The following MUC6 variants were observed in gnomAD, a reference collection of about 807,000 sequenced individuals.
MUC6 encodes the protein mucin-6.
MUC6 carries 188 observed loss-of-function variants against 201.5 expected under a neutral mutation model. The ratio of observed to expected loss-of-function variants is 0.93; its 90% confidence interval spans 0.83 to 1.05. The LOEUF (loss-of-function observed/expected upper bound fraction) is 1.05, where lower values mean the gene tolerates loss of function less well. Among genes scored for constraint, MUC6 ranks in the 50% least tolerant of loss-of-function variants. The pLI is 0.00. For missense variants in MUC6, 2,706 were observed against 3,256.9 expected (o/e 0.83, Z 4.12); for synonymous variants, 1,228 against 1,389.4 (o/e 0.88, Z 2.58).
Position 1,021,216 on chromosome 11 carries a change from GC to G in MUC6, c.3587del (p.Cys1196SerfsTer28). 1 of 1,585,336 alleles carries G rather than the reference GC, an allele frequency of 6.3e-7. No individual in the cohort carries two copies. Among genetic ancestry groups the G allele is most frequent in the South Asian group, 1.2e-5 (1 of 86,510 alleles). ...FDHEEGVCVP[C>X]MPPTTPQPPT... ...CTCAGGGCAGCCGACTGGACTTACT[GC>G]AGGGCACGCACACCCCCTCCTCGTG... On this transcript the variant is annotated frameshift_variant and splice_region_variant, in exon 27 of 33. Coordinates refer to ENST00000421673, the MANE Select transcript of MUC6 (RefSeq NM_005961.3). LOFTEE classifies it high-confidence loss of function.
rs754710166 is a variant in MUC6 at position 1,025,285 on chromosome 11, G to A, written c.2882C>T (p.Ala961Val). Residue 961 changes from alanine (A) to valine (V), a missense_variant, in exon 23 of 33, where the codon GCG (alanine) becomes GTG (valine). Physicochemically the swap from Ala to Val is moderately conservative, Grantham distance 64. This residue lies in a region of MUC6 where 1,850 missense variants were observed against 1,958.3 expected (regional missense o/e 0.94). Coordinates refer to ENST00000421673, the MANE Select transcript of MUC6 (RefSeq NM_005961.3). ...PHVQLGVTPG[A>V]LSLVVDISIP... Reference sequence around the variant, plus strand: ...GCTGATGTCCACGACAAGGCTCAGCGCACCCGGCGTCACCCCGAGCTGCAC... The same window carrying A: ...GCTGATGTCCACGACAAGGCTCAGCACACCCGGCGTCACCCCGAGCTGCAC... The A allele has an allele frequency of 9.9e-6, 16 of 1,612,638 alleles. 1 individual carries two copies. In the South Asian group the frequency reaches 1.3e-4, roughly 13 times the overall value.
At chr11:1,023,688 T>A (rs1321539075) in intron 25 of MUC6, 36 bp from the exon 26 acceptor site, 1 of 1,603,978 alleles carries the variant, frequency 6.2e-7, no homozygotes, top group Non-Finnish European at 8.5e-7. Flanking sequence ...GTGGGGTTCC[T>A]GGCCCTGGCC....
In MUC6 at chr11:1,018,723, T is replaced by TC. The variant is rs1301428500; in HGVS notation, c.4077dup (p.Thr1360AspfsTer37). On this transcript the variant is annotated frameshift_variant, in exon 31 of 33. Coordinates refer to ENST00000421673, the MANE Select transcript of MUC6 (RefSeq NM_005961.3). LOFTEE classifies it high-confidence loss of function. ...CTTGCTGGGGTTGGACGTGGGCCTG[T>TC]CGTCTGGGTGGCCGTTGTTCCTGGC... is the stretch of plus-strand genomic sequence containing the variant. 1 of 1,588,334 alleles carries TC rather than the reference T, an allele frequency of 6.3e-7. No individual in the cohort carries two copies. Among genetic ancestry groups the TC allele is most frequent in the African/African-American group, 1.4e-5 (1 of 73,142 alleles).
At position 1,013,958 on chromosome 11, in the gene MUC6, C is replaced by T. The variant is rs1200291203; in HGVS notation, c.7083G>A (p.Lys2361=). ...VREQQEEITF[K]GCMANVTVTR... is the part of the protein sequence containing the mutation. ...TTACCGTCACGTTCGCCATGCACCC[C>T]TTGAACGTGATCTCCTCCTGCTGCT... The change falls in exon 32 of 33, where the codon AAG becomes AAA. Residue 2361 remains lysine (K), a synonymous_variant. Transcript: ENST00000421673. The T allele has an allele frequency of 2.5e-6, 4 of 1,609,278 alleles. No individual in the cohort carries two copies. In the East Asian group the frequency reaches 8.9e-5, roughly 36 times the overall value.
chr11:1,025,693 G>A, intron 22 of MUC6, 112 bp downstream of exon 22: 1 of 1,040,016 alleles, frequency 9.6e-7, no homozygotes, highest in Non-Finnish European at 1.4e-6. Flanking sequence ...AGGCAGGCGG[G>A]GAGGGCTGCA....
At chr11:1,013,694 T>C (rs1178275048) in intron 32 of MUC6, 61 bp from the exon 33 acceptor site, 1 of 1,500,328 alleles carries the variant, frequency 6.7e-7, no homozygotes, top group Non-Finnish European at 9.0e-7. Flanking sequence ...GGCCCCTCCC[T>C]CCCCAGGGCA....
Position 1,028,626 on chromosome 11 carries a change from C to G in MUC6, c.1591+20G>C, listed in dbSNP as rs375348991. 2 of 1,603,522 alleles carry G rather than the reference C, an allele frequency of 1.2e-6. No individual in the cohort carries two copies. Among genetic ancestry groups the G allele is most frequent in the Non-Finnish European group, 8.5e-7 (1 of 1,175,722 alleles). On this transcript the variant is annotated intron_variant, in intron 13 of 32. Transcript: ENST00000421673. ...TGTAGGGATGAGGCAACAGGGCCAC[C>G]TGGAGAGGCAGGGACTCACCTCTGG...
rs538303450 is a variant in MUC6, at chr11:1,033,507, G to A, written c.53-432C>T. 3.3e-5 allele frequency among the ~76,000 whole-genome samples: 5 copies of A among 151,888 alleles called. No individual in the cohort carries two copies. Among genetic ancestry groups the A allele is most frequent in the African/African-American group, 1.2e-4 (5 of 41,408 alleles). On this transcript the variant is annotated intron_variant, in intron 1 of 32. Transcript: ENST00000421673. This position sits in a 1 kb window ranked among gnomAD's most constrained non-coding sequence, Gnocchi z 5.6. Reference sequence around the variant, plus strand: ...CGCCTGGTTTCCCTGAGGGGTCTGCGCCAAGGCCCCACAGCCGGTTCTCCC... The same window carrying A: ...CGCCTGGTTTCCCTGAGGGGTCTGCACCAAGGCCCCACAGCCGGTTCTCCC...
In MUC6 at chr11:1,027,726, C is replaced by T; in HGVS notation, c.1940G>A (p.Gly647Asp). The T allele has an allele frequency of 1.2e-6, 2 of 1,606,956 alleles. No homozygotes were observed. The highest frequency in any genetic ancestry group is 1.1e-5 in the South Asian group (1 of 89,842). Residue 647 changes from glycine (G) to aspartate (D), a missense_variant, in exon 16 of 33, where the codon GGC becomes GAC. Around this residue, in one of 10 missense-constraint regions of MUC6, gnomAD observed 1,850 missense variants for 1,958.3 expected, o/e 0.94. Transcript: ENST00000421673. ...GCTTCTCCAGCCCCAGAGCAGGACG[C>T]CCCGCAAGGAGCAGGCGTGTACGTA... ...GDYVHACSLR[G>D]VLLWGWRSSV...
intron 29 of MUC6, chr11:1,019,872 C>T: frequency 1.4e-6 from 1 of 714,658 alleles, no homozygotes; most frequent in Non-Finnish European, 2.4e-6. Flanking sequence ...TGACAGCAGC[C>T]AGCAGCAAGG....
rs774285277 is a variant in MUC6, at chr11:1,029,594, G to A, written c.1037C>T (p.Ser346Phe). ...GACGGGCACGCAGGTGTGGTTATTG[G>A]AGAGGTCATTCAGGACCGTACCTGC... The part of the protein sequence containing the change: ...CPEGTVLNDL[S>F]NNHTCVPVTQ... The change falls in exon 9 of 33, where the codon TCC (serine) becomes TTC (phenylalanine). Residue 346 changes from serine to phenylalanine, a missense_variant. Ser to Phe is a radical substitution (Grantham distance 155). Around this residue, in one of 10 missense-constraint regions of MUC6, gnomAD observed 1,850 missense variants for 1,958.3 expected, o/e 0.94. Coordinates refer to ENST00000421673, the MANE Select transcript of MUC6 (RefSeq NM_005961.3). 2 of 1,603,762 alleles carry A rather than the reference G, an allele frequency of 1.2e-6. No homozygotes were observed. The highest frequency in any genetic ancestry group is 1.7e-5 in the Admixed American group (1 of 59,202).
chr11:1,020,524 C>A (rs1856782982), intron 28 of MUC6, among the ~76,000 whole-genome samples, 160 bp downstream of exon 28: 1 of 152,178 alleles, frequency 6.6e-6, no homozygotes. Context: ...TGGCTGTGGG[C>A]TGAGCTCCTC....
In MUC6 at chr11:1,028,140, A is replaced by G. The variant is rs963869961; in HGVS notation, c.1754-81T>C. 3 of 1,534,280 alleles carry G rather than the reference A, an allele frequency of 2.0e-6. No homozygotes were observed. In the African/African-American group the frequency reaches 4.1e-5, roughly 21 times the overall value. On this transcript the variant is annotated intron_variant, in intron 14 of 32. Transcript: ENST00000421673. ...CCTCCCAGGGACCCCCCACCCTGGC[A>G]GCTGGGCCTGTGGTCCAGTCCAGGG...
chr11:1,027,763 C>T lies in MUC6; in HGVS notation c.1903G>A (p.Ala635Thr), dbSNP rs779356933. 1.9e-5 allele frequency: 31 copies of T among 1,610,400 alleles called. No individual in the cohort carries two copies. The East Asian group carries it at 3.8e-4, about 20-fold the overall frequency. ...YEETFPHICA[A>T]LGDYVHACSL... The stretch of plus-strand genomic sequence containing the variant: ...CAGGCGTGTACGTAGTCGCCCAGGG[C>T]GGCACAGATGTGGGGAAAGGTCTCC... The change falls in exon 16 of 33, where the codon GCC becomes ACC. Residue 635 changes from alanine (A) to threonine (T), a missense_variant. Ala to Thr is a moderately conservative substitution (Grantham distance 58, BLOSUM62 0). Transcript: ENST00000421673.
Position 1,033,170 on chromosome 11 carries a change from G to T in MUC6, c.53-95C>A. On this transcript the variant is annotated intron_variant, in intron 1 of 32. Coordinates refer to ENST00000421673, the MANE Select transcript of MUC6 (RefSeq NM_005961.3). This position sits in a 1 kb window ranked among gnomAD's most constrained non-coding sequence, Gnocchi z 5.6. Reference sequence around the variant, plus strand: ...TCAGGGCTGCTCCGCCCGTTTCCCTGCACACACTCGGCGTGCGAGAAGTGT... The same window carrying T: ...TCAGGGCTGCTCCGCCCGTTTCCCTTCACACACTCGGCGTGCGAGAAGTGT... 1 of 1,254,660 alleles carries T rather than the reference G, an allele frequency of 8.0e-7. No individual in the cohort carries two copies. The allele number at this position is 1,254,660 out of a possible 1,614,324, so 77.7% of individuals were successfully genotyped here. A position where few individuals can be genotyped will look rare whatever the true frequency, so the allele number is the denominator to read the frequency against.
intron 24 of MUC6, 61 bp downstream of exon 24, chr11:1,024,783 C>A: frequency 6.4e-7 from 1 of 1,564,182 alleles, no homozygotes; most frequent in Non-Finnish European, 8.7e-7. Context: ...CCGCCCCTTC[C>A]CCCGCCCCCA....
rs1442136127 is a variant in MUC6 at position 1,014,001 on chromosome 11, C to G, written c.7040G>C (p.Gly2347Ala). Residue 2347 changes from glycine to alanine, a missense_variant and splice_region_variant, in exon 32 of 33, where the codon GGG becomes GCG. This residue lies in a region of MUC6 where 586 missense variants were observed against 488.0 expected (regional missense o/e 1.20). Coordinates refer to ENST00000421673, the MANE Select transcript of MUC6 (RefSeq NM_005961.3). ...CTGCTGCTCCCGCACACTGCAGACCCCTGGTAGCCGAGTGGACGGTCAGCA... is the reference window on the plus strand; with the variant it reads ...CTGCTGCTCCCGCACACTGCAGACCGCTGGTAGCCGAGTGGACGGTCAGCA... ...SLGTPTPTSP[G>A]VCSVREQQEE... 6.2e-7 allele frequency: 1 copy of G among 1,605,208 alleles called. No individual in the cohort carries two copies. Among genetic ancestry groups the G allele is most frequent in the Non-Finnish European group, 8.5e-7 (1 of 1,176,484 alleles).
intron 29 of MUC6, 127 bp from the exon 30 acceptor site, chr11:1,019,623 G>C (rs1221955034): frequency 3.5e-6 from 3 of 845,664 alleles, no homozygotes; most frequent in Non-Finnish European, 5.7e-6. Context: ...TCCTTGGAGG[G>C]GCTCTTCCTC....
intron 29 of MUC6, chr11:1,019,793 G>T: frequency 1.6e-6 from 1 of 621,746 alleles, no homozygotes; most frequent in Non-Finnish European, 2.8e-6. Context: ...CAGCAGATGG[G>T]GCCCTGCTCG....
Sources: allele counts gnomAD v4.1 joint callset (sites outside exome capture counted in the v4.1 genomes callset), GRCh38; gene constraint gnomAD v4.1.1; regional missense constraint gnomAD v4.1.1; non-coding constraint Gnocchi (gnomAD v3.1); transcripts MANE v1.5; gene names NCBI Gene and HGNC (gene_info 2026-07-23, HGNC 2026-07-21).